The following ADCY2 variants were observed in gnomAD, a reference collection of about 807,000 sequenced individuals.
ADCY2 encodes adenylate cyclase type 2.
ADCY2 carries 31 observed loss-of-function variants against 125.2 expected under a neutral mutation model. The observed-to-expected ratio is 0.25, with a 90% CI of 0.19 to 0.33. The LOEUF is 0.33. Ranked by LOEUF, ADCY2 falls within the 10% of genes least tolerant of loss-of-function variation. The pLI is 1.00. For missense variants in ADCY2, 904 were observed against 1,418.2 expected (o/e 0.64, Z 5.82); for synonymous variants, 512 against 548.4 (o/e 0.93, Z 0.93).
At chr5:7,455,892 CAA>C (rs1268518413) in intron 2 of ADCY2, among the ~76,000 whole-genome samples, 2 of 147,152 alleles carry the variant, frequency 1.4e-5, no homozygotes, top group Non-Finnish European at 3.0e-5. Flanking sequence ...CATATTATAA[CAA>C]TGCATTTATA....
intron 2 of ADCY2, among the ~76,000 whole-genome samples, chr5:7,465,859 G>A (rs1335421748): frequency 6.6e-6 from 1 of 152,126 alleles, no homozygotes; most frequent in African/African-American, 2.4e-5. Context: ...AAGAGGGGGT[G>A]TTACATTTGC....
At chr5:7,635,534 G>A (rs996962154) in intron 4 of ADCY2, among the ~76,000 whole-genome samples, 2 of 152,128 alleles carry the variant, frequency 1.3e-5, no homozygotes, top group Non-Finnish European at 2.9e-5. Flanking sequence ...TTTATTTATT[G>A]GGAGGTAAGG....
chr5:7,473,053 C>G (rs73737395), intron 2 of ADCY2, among the ~76,000 whole-genome samples: 3 of 151,536 alleles, frequency 2.0e-5, no homozygotes, highest in African/African-American at 7.3e-5. Context: ...TTCCTGGAAC[C>G]CTGGGATGGG....
intron 16 of ADCY2, among the ~76,000 whole-genome samples, chr5:7,761,691 A>G (rs560860983): frequency 4.4e-4 from 67 of 152,354 alleles, no homozygotes; most frequent in Non-Finnish European, 1.5e-4. Context: ...ACCAGGATTT[A>G]TCACCTAATT....
intron 4 of ADCY2, among the ~76,000 whole-genome samples, chr5:7,675,000 A>G (rs904328672): frequency 6.6e-6 from 1 of 151,956 alleles, no homozygotes; most frequent in Non-Finnish European, 1.5e-5. Context: ...CTAAAAATAC[A>G]AAAAATTAGC....
chr5:7,636,223 T>A (rs765347756), intron 4 of ADCY2, among the ~76,000 whole-genome samples: 39 of 152,370 alleles, frequency 2.6e-4, no homozygotes, highest in Non-Finnish European at 5.1e-4. Flanking sequence ...CAGCACCATT[T>A]GCAGGGCCAG....
chr5:7,414,778 G>A lies in ADCY2; in HGVS notation c.408+8G>A, dbSNP rs1261302031. The A allele has an allele frequency of 6.3e-7, 1 of 1,595,004 alleles. No homozygotes were observed. The highest frequency in any genetic ancestry group is 8.5e-7 in the Non-Finnish European group (1 of 1,173,830). The stretch of plus-strand genomic sequence containing the variant: ...GTCTCTCCCTGGGACCAGGTAAGGT[G>A]TGAAAATATTTTTTGTACTTCTTTT... On this transcript the variant is annotated splice_region_variant and intron_variant, in intron 2 of 24. Transcript: ENST00000338316.
intron 7 of ADCY2, among the ~76,000 whole-genome samples, chr5:7,702,863 A>G (rs1049853873): frequency 6.6e-5 from 10 of 152,100 alleles, no homozygotes; most frequent in African/African-American, 2.2e-4. Context: ...AAGTGTTCCT[A>G]TTTCTCCACG....
chr5:7,555,848 G>A (rs957598560), intron 3 of ADCY2, among the ~76,000 whole-genome samples: 1 of 141,066 alleles, frequency 7.1e-6, no homozygotes, highest in African/African-American at 2.7e-5. Flanking sequence ...ACAGACACAT[G>A]TGAGCGCACA....
intron 10 of ADCY2, among the ~76,000 whole-genome samples, chr5:7,712,109 A>C (rs967642201): frequency 8.5e-5 from 13 of 152,202 alleles, no homozygotes; most frequent in Non-Finnish European, 1.2e-4. Flanking sequence ...TTTTCAAAAA[A>C]ATCTTTCCTT....
chr5:7,418,207 C>T (rs1169523801), intron 2 of ADCY2, among the ~76,000 whole-genome samples: 1 of 152,138 alleles, frequency 6.6e-6, no homozygotes, highest in African/African-American at 2.4e-5. Context: ...AATATATTCA[C>T]CTCTGCCCCT....
At chr5:7,803,311 G>A (rs1438524185) in intron 21 of ADCY2, among the ~76,000 whole-genome samples, 2 of 152,184 alleles carry the variant, frequency 1.3e-5, no homozygotes, top group African/African-American at 4.8e-5. Context: ...ACAGGGATTT[G>A]CTCATCTGTC....
intron 14 of ADCY2, among the ~76,000 whole-genome samples, chr5:7,735,486 T>C (rs1197250565): frequency 6.6e-6 from 1 of 152,216 alleles, no homozygotes; most frequent in East Asian, 1.9e-4. Context: ...TTTATCAAGA[T>C]AAGGAAATTC....
chr5:7,612,310 A>G (rs1227003584), intron 3 of ADCY2, among the ~76,000 whole-genome samples: 2 of 152,250 alleles, frequency 1.3e-5, no homozygotes, highest in Non-Finnish European at 2.9e-5. Context: ...AAATGACAAA[A>G]TAGTCAAATA....
intron 3 of ADCY2, among the ~76,000 whole-genome samples, chr5:7,602,924 A>T (rs994743927): frequency 1.3e-5 from 2 of 152,296 alleles, no homozygotes; most frequent in East Asian, 1.9e-4. Flanking sequence ...TGCTTCACAT[A>T]AAAGGAAGTC....
chr5:7,510,242 A>G (rs1268424258), intron 2 of ADCY2, among the ~76,000 whole-genome samples: 1 of 152,252 alleles, frequency 6.6e-6, no homozygotes, highest in African/African-American at 2.4e-5. Flanking sequence ...ATGCATAATT[A>G]TTCTTCCTAG....
chr5:7,578,096 A>G (rs1736309802), intron 3 of ADCY2, among the ~76,000 whole-genome samples: 1 of 152,244 alleles, frequency 6.6e-6, no homozygotes, highest in African/African-American at 2.4e-5. Context: ...ATAAAAGCCA[A>G]CAGACTGAAG....
At chr5:7,803,486 C>G (rs1380038546) in intron 21 of ADCY2, among the ~76,000 whole-genome samples, 1 of 152,226 alleles carries the variant, frequency 6.6e-6, no homozygotes, top group Non-Finnish European at 1.5e-5. Flanking sequence ...GCCCATTCCT[C>G]TTCCTTCCTA....
chr5:7,409,554 C>G (rs933968069), intron 1 of ADCY2, among the ~76,000 whole-genome samples: 2 of 152,098 alleles, frequency 1.3e-5, no homozygotes. Context: ...TGTGATAACT[C>G]TTCTTTGAAA....
Sources: allele counts gnomAD v4.1 joint callset (sites outside exome capture counted in the v4.1 genomes callset), GRCh38; gene constraint gnomAD v4.1.1; transcripts MANE v1.5; gene names NCBI Gene and HGNC (gene_info 2026-07-23, HGNC 2026-07-21).